The following ATXN10 variants were observed in gnomAD, a reference collection of about 807,000 sequenced individuals.
ATXN10 encodes the protein ataxin-10.
Under a neutral mutation model 52.9 loss-of-function variants are expected in ATXN10, and 28 were observed. The observed-to-expected ratio is 0.53, with a 90% CI of 0.39 to 0.73. The LOEUF is 0.73. ATXN10 is among the 30% of genes least tolerant of loss of function. ATXN10 has a pLI of 0.00. For missense variants in ATXN10, 565 were observed against 577.0 expected, an observed-to-expected ratio of 0.98 and a Z score of 0.21; for synonymous variants, 226 against 221.5, an observed-to-expected ratio of 1.02 and a Z score of -0.18.
Position 45,828,957 on chromosome 22 carries a change from A to G in ATXN10, c.1238-14034A>G, listed in dbSNP as rs1928903402. 6.6e-6 allele frequency among the ~76,000 whole-genome samples: 1 copy of G among 152,218 alleles called. No individual in the cohort carries two copies. Among genetic ancestry groups the G allele is most frequent in the Admixed American group, 6.5e-5 (1 of 15,288 alleles). On this transcript the variant is annotated intron_variant, in intron 10 of 11. Transcript: ENST00000252934. This position sits in a 1 kb window ranked among gnomAD's most constrained non-coding sequence, Gnocchi z 4.5. ...TACAAAAGCTAGACAGAGACACTACAAGAAAACTAAAGACCAACATCCTTT... is the reference window on the plus strand; with the variant it reads ...TACAAAAGCTAGACAGAGACACTACGAGAAAACTAAAGACCAACATCCTTT...
At chr22:45,817,186 C>T (rs370808725) in intron 10 of ATXN10, among the ~76,000 whole-genome samples, 8 of 152,170 alleles carry the variant, frequency 5.3e-5, no homozygotes, top group South Asian at 2.1e-4. Flanking sequence ...GCCTCTCTTC[C>T]GCTGATTTCT....
In ATXN10 at chr22:45,820,752, G is replaced by A. The variant is rs1200761856; in HGVS notation, c.1237+13730G>A. On this transcript the variant is annotated intron_variant, in intron 10 of 11. Coordinates refer to ENST00000252934, the MANE Select transcript of ATXN10 (RefSeq NM_013236.4). This position sits in a 1 kb window ranked among gnomAD's most constrained non-coding sequence, Gnocchi z 4.9. Reference sequence around the variant, plus strand: ...ATTGCCAGGGTGGTTTGCTTACCCCGGCCATCCCAACAATGGTGGTTGGTT... The same window carrying A: ...ATTGCCAGGGTGGTTTGCTTACCCCAGCCATCCCAACAATGGTGGTTGGTT... Among the ~76,000 whole-genome samples the A allele has an allele frequency of 2.6e-5, 4 of 152,134 alleles. No individual in the cohort carries two copies. Among genetic ancestry groups the A allele is most frequent in the African/African-American group, 9.7e-5 (4 of 41,426 alleles).
chr22:45,717,218 A>G (rs1924482479), intron 5 of ATXN10, among the ~76,000 whole-genome samples: 1 of 151,882 alleles, frequency 6.6e-6, no homozygotes, highest in Non-Finnish European at 1.5e-5. Flanking sequence ...ATTTGTTTCT[A>G]TTATATAATC....
At chr22:45,755,459 G>A (rs1359332940) in intron 9 of ATXN10, among the ~76,000 whole-genome samples, 1 of 152,110 alleles carries the variant, frequency 6.6e-6, no homozygotes. Flanking sequence ...TTCTCTGGCC[G>A]TTCTGCCTTC....
chr22:45,725,599 A>G (rs1449665983), intron 6 of ATXN10, among the ~76,000 whole-genome samples: 2 of 152,068 alleles, frequency 1.3e-5, no homozygotes, highest in Non-Finnish European at 2.9e-5. Context: ...ATATGATCGT[A>G]TCATTGGCAA....
At position 45,841,815 on chromosome 22, in the gene ATXN10, G is replaced by A. The variant is rs1929353766; in HGVS notation, c.1238-1176G>A. On this transcript the variant is annotated intron_variant, in intron 10 of 11. Coordinates refer to ENST00000252934, the MANE Select transcript of ATXN10 (RefSeq NM_013236.4). The surrounding 1 kb of genome is among the most constrained non-coding windows in gnomAD (Gnocchi z 5.1). ...TCTGTGTTCTCATGCCATGTTGGGG[G>A]AGCTAGAAATGTCTCAGAACTGGTC... 6.6e-6 allele frequency among the ~76,000 whole-genome samples: 1 copy of A among 152,188 alleles called. No homozygotes were observed. The highest frequency in any genetic ancestry group is 6.5e-5 in the Admixed American group (1 of 15,286).
At chr22:45,791,236 C>G (rs147142732) in intron 9 of ATXN10, among the ~76,000 whole-genome samples, 16 of 152,330 alleles carry the variant, frequency 1.1e-4, no homozygotes, top group African/African-American at 3.8e-4. Context: ...ATACTTTTTA[C>G]ATCATTCTAG....
At position 45,680,391 on chromosome 22, in the gene ATXN10, A is replaced by G. The variant is rs572919123; in HGVS notation, c.116+8212A>G. ...GGAAACCTCAATAACAAAGACATCA[A>G]TACCTCCCAAATTGACCTGTGGATT... is the stretch of plus-strand genomic sequence containing the variant. On this transcript the variant is annotated intron_variant, in intron 1 of 11. Coordinates refer to ENST00000252934, the MANE Select transcript of ATXN10 (RefSeq NM_013236.4). Among the ~76,000 whole-genome samples the G allele has an allele frequency of 5.9e-5, 9 of 152,350 alleles. No individual in the cohort carries two copies. The South Asian group carries it at 6.2e-4, about 11-fold the overall frequency.
In ATXN10 at chr22:45,798,232, A is replaced by G. The variant is rs188850680; in HGVS notation, c.1174-8727A>G. On this transcript the variant is annotated intron_variant, in intron 9 of 11. Transcript: ENST00000252934. ...AACCTTAAAAGGGAACAAACAAAGT[A>G]ACTACAGAGCAGTGTCTCTCATGGT... Among the ~76,000 whole-genome samples the G allele has an allele frequency of 3.3e-5, 5 of 152,356 alleles. No homozygotes were observed. The East Asian group carries it at 7.7e-4, about 23-fold the overall frequency.
chr22:45,821,322 G>A (rs939281948), intron 10 of ATXN10, among the ~76,000 whole-genome samples: 8 of 150,340 alleles, frequency 5.3e-5, no homozygotes, highest in Admixed American at 5.3e-4. Flanking sequence ...GAGCAGCCTG[G>A]GCAACTTAGT....
chr22:45,808,394 A>C (rs1003282772), intron 10 of ATXN10, among the ~76,000 whole-genome samples: 1 of 152,220 alleles, frequency 6.6e-6, no homozygotes, highest in African/African-American at 2.4e-5. Flanking sequence ...CAGGGTGTTC[A>C]TTGCGTCTTT....
rs1451140562 is a variant in ATXN10, at chr22:45,826,056, T to C, written c.1238-16935T>C. On this transcript the variant is annotated intron_variant, in intron 10 of 11. Transcript: ENST00000252934. This position sits in a 1 kb window ranked among gnomAD's most constrained non-coding sequence, Gnocchi z 5.0. ...TAGCCTGGGGAACAGAGCCAGGCCC[T>C]GTCTCTAAATCAAAACAAAACAAAA... 2.0e-5 allele frequency among the ~76,000 whole-genome samples: 3 copies of C among 152,132 alleles called. No individual in the cohort carries two copies. The highest frequency in any genetic ancestry group is 4.4e-5 in the Non-Finnish European group (3 of 68,040).
chr22:45,754,558 A>T lies in ATXN10; in HGVS notation c.1173+14020A>T, dbSNP rs1926107041. On this transcript the variant is annotated intron_variant, in intron 9 of 11. Transcript: ENST00000252934. The surrounding 1 kb of genome is among the most constrained non-coding windows in gnomAD (Gnocchi z 5.4). ...AGGAAAGGCTTCCTCAAAGCCACTC[A>T]GTGGTGGGAGTGCTGTCTCAGTAGT... Among the ~76,000 whole-genome samples the T allele has an allele frequency of 6.6e-6, 1 of 152,148 alleles. No individual in the cohort carries two copies. The highest frequency in any genetic ancestry group is 2.4e-5 in the African/African-American group (1 of 41,434).
rs1420525324 is a variant in ATXN10, at chr22:45,828,421, T to G, written c.1238-14570T>G. Among the ~76,000 whole-genome samples, 1 of 151,620 alleles carries G rather than the reference T, an allele frequency of 6.6e-6. No homozygotes were observed. The highest frequency in any genetic ancestry group is 1.9e-4 in the East Asian group (1 of 5,176). On this transcript the variant is annotated intron_variant, in intron 10 of 11. Transcript: ENST00000252934. The surrounding 1 kb of genome is among the most constrained non-coding windows in gnomAD (Gnocchi z 4.5). ...AAGATAATAAATATTAGGGCAGAGATAAAACAAACTAGAGAATAGAAAAAT... is the reference window on the plus strand; with the variant it reads ...AAGATAATAAATATTAGGGCAGAGAGAAAACAAACTAGAGAATAGAAAAAT...
rs1929311904 is a variant in ATXN10, at chr22:45,840,505, G to C, written c.1238-2486G>C. ...CAGCAGTGAGGGAAGCACATCCCAG[G>C]TCAGGGATTCGTGTGTGCAGAGACA... On this transcript the variant is annotated intron_variant, in intron 10 of 11. Coordinates refer to ENST00000252934, the MANE Select transcript of ATXN10 (RefSeq NM_013236.4). The surrounding 1 kb of genome is among the most constrained non-coding windows in gnomAD (Gnocchi z 5.8). Among the ~76,000 whole-genome samples the C allele has an allele frequency of 6.6e-6, 1 of 152,212 alleles. No individual in the cohort carries two copies. The highest frequency in any genetic ancestry group is 1.5e-5 in the Non-Finnish European group (1 of 68,036).
Position 45,736,538 on chromosome 22 carries a change from G to T in ATXN10, c.895-2193G>T, listed in dbSNP as rs199968753. On this transcript the variant is annotated intron_variant, in intron 7 of 11. Transcript: ENST00000252934. Reference sequence around the variant, plus strand: ...AAGTGATTGACATAACTTTACTCCAGTGTATAGGTTCCCCTTTCCTCTTCT... The same window carrying T: ...AAGTGATTGACATAACTTTACTCCATTGTATAGGTTCCCCTTTCCTCTTCT... Among the ~76,000 whole-genome samples, 7 of 152,032 alleles carry T rather than the reference G, an allele frequency of 4.6e-5. No homozygotes were observed. The East Asian group carries it at 1.4e-3, about 29-fold the overall frequency.
At position 45,790,161 on chromosome 22, in the gene ATXN10, T is replaced by G. The variant is rs1275960136; in HGVS notation, c.1174-16798T>G. 6.6e-6 allele frequency among the ~76,000 whole-genome samples: 1 copy of G among 152,168 alleles called. No homozygotes were observed. Among genetic ancestry groups the G allele is most frequent in the Non-Finnish European group, 1.5e-5 (1 of 68,024 alleles). Reference sequence around the variant, plus strand: ...TGTTCAAATAAATTGAAATTCAAAATATATTCTCCCTGATTTCTTATTCTG... The same window carrying G: ...TGTTCAAATAAATTGAAATTCAAAAGATATTCTCCCTGATTTCTTATTCTG... On this transcript the variant is annotated intron_variant, in intron 9 of 11. Transcript: ENST00000252934. This position sits in a 1 kb window ranked among gnomAD's most constrained non-coding sequence, Gnocchi z 4.7.
intron 3 of ATXN10, among the ~76,000 whole-genome samples, chr22:45,697,692 C>T (rs912705213): frequency 3.3e-5 from 5 of 152,050 alleles, no homozygotes; most frequent in African/African-American, 7.2e-5. Context: ...TGCAGTGGGG[C>T]GATCTCGGCT....
chr22:45,672,400 C>A, intron 1 of ATXN10: 1 of 293,422 alleles, frequency 3.4e-6, no homozygotes, highest in African/African-American at 2.2e-5. Flanking sequence ...CGCTCCCCCA[C>A]CGCAGCCAGT....
Sources: gnomAD v4.1 joint callset for allele counts (sites outside exome capture counted in the v4.1 genomes callset) on GRCh38, gnomAD v4.1.1 for gene constraint, Gnocchi (gnomAD v3.1) non-coding constraint, MANE v1.5 for transcripts, NCBI Gene and HGNC (gene_info 2026-07-23, HGNC 2026-07-21) for gene names.